Variants in NLGN4X observed in about 807,000 individuals in gnomAD.
NLGN4X encodes the protein neuroligin-4, X-linked.
NLGN4X carries 3 observed loss-of-function variants against 40.3 expected under a neutral mutation model. The ratio of observed to expected loss-of-function variants is 0.07; its 90% CI spans 0.03 to 0.19. NLGN4X has a LOEUF of 0.19. Ranked by LOEUF, NLGN4X falls within the 10% of genes least tolerant of loss-of-function variation. NLGN4X has a pLI of 1.00. For missense variants in NLGN4X, 382 were observed against 708.3 expected (o/e 0.54, Z 5.23); for synonymous variants, 270 against 306.8 (o/e 0.88, Z 1.25).
chrX:5,917,380 G>A (rs1255151863), intron 3 of NLGN4X, among the ~76,000 whole-genome samples: 3 of 112,318 alleles, frequency 2.7e-5, no homozygotes, highest in Admixed American at 9.4e-5. Context: ...TTATTCTCTC[G>A]GCACAGTAAA....
intron 2 of NLGN4X, among the ~76,000 whole-genome samples, chrX:6,103,359 G>A: frequency 9.0e-6 from 1 of 111,701 alleles, no homozygotes; most frequent in East Asian, 2.8e-4. Context: ...TTTTCTGGAA[G>A]GAAAGCTGGG....
Position 6,032,225 on chromosome X carries a change from G to A in NLGN4X, c.473-2793C>T, listed in dbSNP as rs761906201. Among the ~76,000 whole-genome samples the A allele has an allele frequency of 4.7e-3, 334 of 71,080 alleles. 3 individuals carry two copies. The highest frequency in any genetic ancestry group is 0.019 in the African/African-American group (310 of 16,418). 61.7% of individuals were successfully genotyped at this position (71,080 alleles called of 115,157 possible). On this transcript the variant is annotated intron_variant, in intron 2 of 5. Coordinates refer to ENST00000381095, the MANE Select transcript of NLGN4X (RefSeq NM_181332.3). ...GAAGAAAAAAAAAACTGATATTTCAGCCCCCCCCCCCCCAAAAAAAATTCT... is the reference window on the plus strand; with the variant it reads ...GAAGAAAAAAAAAACTGATATTTCAACCCCCCCCCCCCCAAAAAAAATTCT...
At chrX:6,048,935 C>T (rs1425228146) in intron 2 of NLGN4X, among the ~76,000 whole-genome samples, 1 of 107,049 alleles carries the variant, frequency 9.3e-6, no homozygotes, top group Admixed American at 1.0e-4. Flanking sequence ...GGCAGCAAAC[C>T]CCCATGGCAC....
At chrX:6,014,821 T>C (rs1936343696) in intron 3 of NLGN4X, among the ~76,000 whole-genome samples, 1 of 111,857 alleles carries the variant, frequency 8.9e-6, no homozygotes, top group Non-Finnish European at 1.9e-5. Context: ...TAAAGGCATA[T>C]AAAATGTGGC....
At chrX:6,132,378 C>G (rs962874071) in intron 2 of NLGN4X, among the ~76,000 whole-genome samples, 5 of 111,456 alleles carry the variant, frequency 4.5e-5, no homozygotes, top group African/African-American at 1.3e-4. Flanking sequence ...ATTACACATG[C>G]ACAATACAGA....
At chrX:6,108,318 G>T (rs2039074439) in intron 2 of NLGN4X, among the ~76,000 whole-genome samples, 1 of 111,733 alleles carries the variant, frequency 8.9e-6, no homozygotes, top group Admixed American at 9.6e-5. Context: ...TTTGGAATCT[G>T]CAGGATACTG....
At chrX:6,054,599 A>G (rs1401067721) in intron 2 of NLGN4X, among the ~76,000 whole-genome samples, 1 of 111,461 alleles carries the variant, frequency 9.0e-6, no homozygotes, top group Admixed American at 9.6e-5. Flanking sequence ...TGAAAGACAG[A>G]GCAAGACCCT....
chrX:5,925,851 C>CACAT (rs1555921077), intron 3 of NLGN4X, among the ~76,000 whole-genome samples: 1,111 of 36,382 alleles, frequency 0.031, 68 homozygotes, highest in African/African-American at 0.11. Context: ...TATACATACA[C>CACAT]ATATATATAT....
At chrX:6,166,589 G>A (rs12559215) in intron 1 of NLGN4X, among the ~76,000 whole-genome samples, 33,544 of 110,375 alleles carry the variant, frequency 0.3, 3,914 homozygotes, top group African/African-American at 0.37. Flanking sequence ...TTGGCTAATT[G>A]CCAGTCTGTG....
At chrX:5,991,595 C>A in intron 3 of NLGN4X, 1 of 472,365 alleles carries the variant, frequency 2.1e-6, no homozygotes, top group Non-Finnish European at 4.0e-6. Context: ...GGAAATAAGG[C>A]CCCTTTCTCA....
intron 3 of NLGN4X, among the ~76,000 whole-genome samples, chrX:6,026,530 T>C (rs1385236517): frequency 8.9e-6 from 1 of 111,880 alleles, no homozygotes; most frequent in Non-Finnish European, 1.9e-5. Flanking sequence ...GCCGCCTAGC[T>C]GTTTTCAAGA....
intron 1 of NLGN4X, chrX:6,187,538 A>C (rs1214058971): frequency 1.8e-5 from 2 of 112,285 alleles, no homozygotes; most frequent in African/African-American, 6.5e-5. Context: ...ACAGGGAGGA[A>C]GTGCCATTAG....
intron 3 of NLGN4X, among the ~76,000 whole-genome samples, chrX:5,929,593 C>T (rs985584997): frequency 6.2e-5 from 7 of 112,344 alleles, no homozygotes; most frequent in African/African-American, 2.3e-4. Context: ...TGCACACACA[C>T]ATATTTCACA....
intron 3 of NLGN4X, among the ~76,000 whole-genome samples, chrX:5,910,263 T>C (rs16983893): frequency 0.25 from 27,688 of 110,514 alleles, 2,807 homozygotes; most frequent in African/African-American, 0.37. Context: ...TAAACTTTAA[T>C]CCAACTTTAT....
intron 5 of NLGN4X, among the ~76,000 whole-genome samples, chrX:5,896,778 G>A (rs775236572): frequency 8.9e-6 from 1 of 112,139 alleles, no homozygotes; most frequent in African/African-American, 3.2e-5. Flanking sequence ...ATTGTTCGCA[G>A]TTAACGATTA....
At chrX:6,015,753 C>T (rs1252843133) in intron 3 of NLGN4X, among the ~76,000 whole-genome samples, 2 of 111,920 alleles carry the variant, frequency 1.8e-5, no homozygotes, top group Non-Finnish European at 3.8e-5. Flanking sequence ...CTTATATTGT[C>T]TCCATACAAT....
intron 3 of NLGN4X, among the ~76,000 whole-genome samples, chrX:5,996,874 G>A (rs1399212477): frequency 5.4e-5 from 6 of 111,493 alleles, no homozygotes; most frequent in Non-Finnish European, 1.1e-4. Context: ...TGGGATTACA[G>A]GCATGAGCCA....
At chrX:6,031,909 G>C (rs2036868550) in intron 2 of NLGN4X, among the ~76,000 whole-genome samples, 1 of 111,037 alleles carries the variant, frequency 9.0e-6, no homozygotes, top group Non-Finnish European at 1.9e-5. Flanking sequence ...GGTAGACAAT[G>C]TGTTGAGCAA....
At chrX:6,189,029 T>G (rs148679198) in intron 1 of NLGN4X, among the ~76,000 whole-genome samples, 41 of 112,832 alleles carry the variant, frequency 3.6e-4, no homozygotes, top group African/African-American at 1.3e-3. Flanking sequence ...GGTTCTTAAT[T>G]TACATTCACA....
Sources: allele counts gnomAD v4.1 joint callset (sites outside exome capture counted in the v4.1 genomes callset), GRCh38; gene constraint gnomAD v4.1.1; transcripts MANE v1.5; gene names NCBI Gene and HGNC (gene_info 2026-07-23, HGNC 2026-07-21).